GCNT1: variants seen among roughly 807,000 people sequenced by gnomAD.
GCNT1 encodes the protein beta-1,3-galactosyl-O-glycosyl-glycoprotein beta-1,6-N-acetylglucosaminyltransferase.
Under a neutral mutation model 26.2 loss-of-function variants are expected in GCNT1, and 16 were observed. The ratio of observed to expected loss-of-function variants is 0.61; its 90% CI spans 0.41 to 0.93. The LOEUF is 0.93. Among genes scored for constraint, GCNT1 ranks in the 40% least tolerant of loss-of-function variants. GCNT1 has a pLI of 0.00. For synonymous variants in GCNT1, 183 were observed against 190.8 expected (o/e 0.96, Z 0.34); for missense variants, 477 against 526.7 (o/e 0.91, Z 0.92).
At chr9:76,411,200 G>C in the GCNT1 span, among the ~76,000 whole-genome samples, 5 of 152,178 alleles carry the variant, frequency 3.3e-5, no homozygotes, top group East Asian at 9.6e-4. Flanking sequence ...AGTGATTATT[G>C]ATATAAATGG....
At chr9:76,400,415 C>T in the GCNT1 span, among the ~76,000 whole-genome samples, 3 of 152,194 alleles carry the variant, frequency 2.0e-5, no homozygotes, top group African/African-American at 4.8e-5. Context: ...ACTCTATTCT[C>T]CCAGCCTTAG....
chr9:76,490,551 A>G (rs1265323637), intron 2 of GCNT1, among the ~76,000 whole-genome samples: 1 of 152,204 alleles, frequency 6.6e-6, no homozygotes, highest in South Asian at 2.1e-4. Context: ...TACACGTTAC[A>G]CTGTTAACGT....
At chr9:76,393,914 C>G in the GCNT1 span, 2 of 609,002 alleles carry the variant, frequency 3.3e-6, no homozygotes, top group South Asian at 4.3e-5. Flanking sequence ...CAGGGACAAG[C>G]TCCCTCAACC....
intron 2 of GCNT1, among the ~76,000 whole-genome samples, chr9:76,464,038 GTTTT>G (rs67210919): frequency 7.7e-6 from 1 of 129,470 alleles, no homozygotes; most frequent in African/African-American, 2.8e-5. Context: ...CTCTTTTTTT[GTTTT>G]TTTTTTTTTT....
chr9:76,402,748 C>T, the GCNT1 span, among the ~76,000 whole-genome samples: 1 of 150,914 alleles, frequency 6.6e-6, no homozygotes, highest in African/African-American at 2.4e-5. Flanking sequence ...GGCATGATCT[C>T]GGCTCACTAC....
At chr9:76,493,452 C>A (rs990700523) in intron 2 of GCNT1, among the ~76,000 whole-genome samples, 1 of 152,208 alleles carries the variant, frequency 6.6e-6, no homozygotes, top group African/African-American at 2.4e-5. Context: ...TGCAGGACAT[C>A]TATATACCTA....
intron 1 of GCNT1, among the ~76,000 whole-genome samples, chr9:76,426,081 C>A (rs1454770526): frequency 6.6e-6 from 1 of 152,140 alleles, no homozygotes; most frequent in Non-Finnish European, 1.5e-5. Flanking sequence ...TTTGTTAGTC[C>A]TACAAATGCA....
chr9:76,453,934 T>C (rs1272189713), intron 1 of GCNT1, among the ~76,000 whole-genome samples: 1 of 152,110 alleles, frequency 6.6e-6, no homozygotes, highest in Non-Finnish European at 1.5e-5. Flanking sequence ...AGAGACTTTA[T>C]TTAGAAGGAT....
intron 2 of GCNT1, among the ~76,000 whole-genome samples, chr9:76,497,421 C>T (rs546527177): frequency 7.9e-5 from 12 of 152,206 alleles, no homozygotes; most frequent in African/African-American, 2.9e-4. Flanking sequence ...ACAATTCCTT[C>T]GAATGATTTG....
chr9:76,427,784 C>T (rs1157383075), intron 1 of GCNT1, among the ~76,000 whole-genome samples: 2 of 152,048 alleles, frequency 1.3e-5, no homozygotes, highest in Non-Finnish European at 2.9e-5. Context: ...GCCAGGAGTT[C>T]GAGACCACCC....
intron 1 of GCNT1, among the ~76,000 whole-genome samples, chr9:76,450,587 CA>C (rs1823649464): frequency 6.6e-6 from 1 of 152,142 alleles, no homozygotes; most frequent in African/African-American, 2.4e-5. Flanking sequence ...CAATCTTTTT[CA>C]ACTTTGCCAA....
the GCNT1 span, among the ~76,000 whole-genome samples, chr9:76,405,364 G>A: frequency 7.4e-6 from 1 of 134,374 alleles, no homozygotes; most frequent in East Asian, 1.9e-4. Flanking sequence ...GAATGTACAT[G>A]TTACAACTGA....
chr9:76,503,145 G>A lies in GCNT1; in HGVS notation c.764G>A (p.Trp255Ter). 1 of 1,614,162 alleles carries A rather than the reference G, an allele frequency of 6.2e-7. No individual in the cohort carries two copies. Among genetic ancestry groups the A allele is most frequent in the East Asian group, 2.2e-5 (1 of 44,880 alleles). ...ATGCCATCCCATAAAGAAGAAAGGT[G>A]GAAGAAGCGGTATGAGGTCGTTAAT... ...ERMPSHKEER[W>*]KKRYEVVNGK... Residue 255 changes from tryptophan to a stop codon, truncating the protein, a stop_gained, in exon 4 of 4, where the codon TGG becomes TAG. Coordinates refer to ENST00000376730, the MANE Select transcript of GCNT1 (RefSeq NM_001490.5). LOFTEE classifies it high-confidence loss of function.
intron 2 of GCNT1, among the ~76,000 whole-genome samples, chr9:76,490,026 C>T (rs1401728269): frequency 1.3e-5 from 2 of 152,092 alleles, no homozygotes; most frequent in Non-Finnish European, 2.9e-5. Flanking sequence ...ATACAGGGCC[C>T]GAAGGCAAGT....
chr9:76,493,836 T>C (rs115179347), intron 2 of GCNT1, among the ~76,000 whole-genome samples: 12,551 of 152,058 alleles, frequency 0.083, 574 homozygotes, highest in Middle Eastern at 0.17. Flanking sequence ...TTACAGAAAA[T>C]GTCAAGCTGC....
At chr9:76,493,872 C>G (rs1824821746) in intron 2 of GCNT1, among the ~76,000 whole-genome samples, 1 of 152,022 alleles carries the variant, frequency 6.6e-6, no homozygotes, top group Admixed American at 6.6e-5. Flanking sequence ...TTTCTACTTC[C>G]CTCAGGTGGA....
chr9:76,495,438 A>G (rs914463422), intron 2 of GCNT1, among the ~76,000 whole-genome samples: 3 of 152,128 alleles, frequency 2.0e-5, no homozygotes, highest in African/African-American at 7.2e-5. Flanking sequence ...TGAAGAGCAA[A>G]AGAACAGAGC....
intron 2 of GCNT1, among the ~76,000 whole-genome samples, chr9:76,486,920 C>CAA (rs549459033): frequency 6.6e-6 from 1 of 151,328 alleles, no homozygotes; most frequent in Admixed American, 6.6e-5. Context: ...CTACTTAAAA[C>CAA]AAACAAACAA....
chr9:76,456,307 GT>G (rs1437923249), upstream of GCNT1, among the ~76,000 whole-genome samples: 2 of 152,122 alleles, frequency 1.3e-5, no homozygotes, highest in African/African-American at 4.8e-5. Flanking sequence ...TTGTTTGTTT[GT>G]TTTAATCCAC....
Sources: allele counts gnomAD v4.1 joint callset (sites outside exome capture counted in the v4.1 genomes callset), GRCh38; gene constraint gnomAD v4.1.1; transcripts MANE v1.5; gene names NCBI Gene and HGNC (gene_info 2026-07-23, HGNC 2026-07-21).